KCNH1: variants seen among roughly 807,000 people sequenced by gnomAD.
KCNH1 encodes voltage-gated delayed rectifier potassium channel KCNH1.
KCNH1 carries 27 observed loss-of-function variants against 69.2 expected under a neutral mutation model. That is an observed-to-expected ratio of 0.39 (90% confidence interval 0.29 to 0.54). The LOEUF is 0.54. Among genes scored for constraint, KCNH1 ranks in the 20% least tolerant of loss-of-function variants. The pLI is 0.68. For synonymous variants in KCNH1, 456 were observed against 487.7 expected, an observed-to-expected ratio of 0.93 and a Z score of 0.86; for missense variants, 798 against 1,261.6, an observed-to-expected ratio of 0.63 and a Z score of 5.57.
At chr1:210,891,751 AG>A (rs1287379535) in intron 7 of KCNH1, among the ~76,000 whole-genome samples, 1 of 152,200 alleles carries the variant, frequency 6.6e-6, no homozygotes, top group Non-Finnish European at 1.5e-5. Flanking sequence ...TCTACTATAA[AG>A]ACTCATGCAC....
intron 6 of KCNH1, among the ~76,000 whole-genome samples, chr1:210,983,353 T>A (rs189139784): frequency 3.5e-4 from 53 of 152,358 alleles, no homozygotes; most frequent in Non-Finnish European, 6.0e-4. Context: ...CCCACGCCTA[T>A]GTTCTGAATG....
At chr1:210,687,459 G>T (rs564676477) in intron 10 of KCNH1, among the ~76,000 whole-genome samples, 1 of 152,282 alleles carries the variant, frequency 6.6e-6, no homozygotes, top group African/African-American at 2.4e-5. Flanking sequence ...ATCTTAGGCT[G>T]CCCTCCATCA....
At chr1:210,905,577 T>C (rs1333618641) in intron 7 of KCNH1, among the ~76,000 whole-genome samples, 2 of 152,106 alleles carry the variant, frequency 1.3e-5, no homozygotes, top group Admixed American at 1.3e-4. Flanking sequence ...ACTGAGACTA[T>C]TGCCAACAAT....
At chr1:210,707,881 C>T (rs1324224591) in intron 10 of KCNH1, among the ~76,000 whole-genome samples, 1 of 152,144 alleles carries the variant, frequency 6.6e-6, no homozygotes, top group Admixed American at 6.5e-5. Flanking sequence ...TGAATCTATT[C>T]AGGCAGACAT....
chr1:210,790,276 G>A (rs1283924608), intron 9 of KCNH1, among the ~76,000 whole-genome samples: 1 of 152,102 alleles, frequency 6.6e-6, no homozygotes, highest in Non-Finnish European at 1.5e-5. Context: ...CTCTCCACTT[G>A]GATACCCTAT....
At chr1:210,695,775 G>A (rs1485718115) in intron 10 of KCNH1, among the ~76,000 whole-genome samples, 2 of 152,168 alleles carry the variant, frequency 1.3e-5, no homozygotes, top group Non-Finnish European at 2.9e-5. Flanking sequence ...AAGTGAGACA[G>A]TGAGCCCCAG....
At chr1:210,686,736 G>A (rs557398460) in intron 10 of KCNH1, among the ~76,000 whole-genome samples, 2 of 152,288 alleles carry the variant, frequency 1.3e-5, no homozygotes, top group African/African-American at 4.8e-5. Flanking sequence ...GCAAGTTTGG[G>A]TGAGTCTATT....
At chr1:211,086,652 C>T (rs996998033) in intron 4 of KCNH1, among the ~76,000 whole-genome samples, 10 of 152,114 alleles carry the variant, frequency 6.6e-5, no homozygotes, top group Non-Finnish European at 1.5e-4. Context: ...GGCTTTTCCC[C>T]TGTCTTGACT....
chr1:211,132,056 C>A (rs1030712316), intron 1 of KCNH1, among the ~76,000 whole-genome samples: 49 of 152,194 alleles, frequency 3.2e-4, no homozygotes, highest in African/African-American at 1.0e-3. Flanking sequence ...CATCTTGTGA[C>A]TTTTACATGT....
chr1:210,919,444 T>A lies in KCNH1; in HGVS notation c.1462+196A>T. 1 of 590,426 alleles carries A rather than the reference T, an allele frequency of 1.7e-6. No homozygotes were observed. Among genetic ancestry groups the A allele is most frequent in the Non-Finnish European group, 3.0e-6 (1 of 334,166 alleles). 36.6% of individuals were successfully genotyped at this position (590,426 alleles called of 1,614,324 possible). ...ATAGTCTTTACTTTCTACTTTGCAC[T>A]CTTTTGTATTTTCTAAATTTTTTTG... is the stretch of plus-strand genomic sequence containing the variant. On this transcript the variant is annotated intron_variant, in intron 7 of 10. Transcript: ENST00000271751. The surrounding 1 kb of genome is among the most constrained non-coding windows in gnomAD (Gnocchi z 4.2).
chr1:210,705,646 G>T (rs1202724404), intron 10 of KCNH1, among the ~76,000 whole-genome samples: 1 of 152,188 alleles, frequency 6.6e-6, no homozygotes, highest in African/African-American at 2.4e-5. Context: ...TAAAAGGAAA[G>T]TGCCCAGATG....
At chr1:210,734,820 T>C (rs976310498) in intron 10 of KCNH1, among the ~76,000 whole-genome samples, 1 of 151,830 alleles carries the variant, frequency 6.6e-6, no homozygotes, top group Non-Finnish European at 1.5e-5. Context: ...CCCCATAAGG[T>C]TGTTTGAAGG....
intron 3 of KCNH1, among the ~76,000 whole-genome samples, chr1:211,099,036 T>C (rs1377855084): frequency 6.6e-6 from 1 of 152,206 alleles, no homozygotes; most frequent in Non-Finnish European, 1.5e-5. Flanking sequence ...TGTATAACAA[T>C]TTTTACCTCA....
At chr1:211,039,854 G>A (rs1689958697) in intron 5 of KCNH1, among the ~76,000 whole-genome samples, 1 of 152,128 alleles carries the variant, frequency 6.6e-6, no homozygotes, top group Admixed American at 6.5e-5. Flanking sequence ...TGTCTCAGAT[G>A]AGACTTTGGA....
intron 6 of KCNH1, among the ~76,000 whole-genome samples, chr1:210,983,387 G>A (rs1688755658): frequency 6.6e-6 from 1 of 152,094 alleles, no homozygotes. Context: ...TTTCTTCTAG[G>A]GTTCTTATGG....
intron 7 of KCNH1, among the ~76,000 whole-genome samples, chr1:210,877,208 G>A (rs1409934845): frequency 6.6e-6 from 1 of 152,164 alleles, no homozygotes; most frequent in Admixed American, 6.5e-5. Context: ...AGCTGTAGTT[G>A]ATGTGGTCAT....
intron 7 of KCNH1, among the ~76,000 whole-genome samples, chr1:210,862,718 G>A (rs562708143): frequency 6.6e-6 from 1 of 152,234 alleles, no homozygotes; most frequent in East Asian, 1.9e-4. Context: ...ATCCACTTAC[G>A]AGTTACTGTG....
chr1:210,984,799 A>T (rs1003958493), intron 6 of KCNH1, among the ~76,000 whole-genome samples: 6 of 152,220 alleles, frequency 3.9e-5, no homozygotes, highest in African/African-American at 1.2e-4. Flanking sequence ...CTGGTCTCAT[A>T]AAATGAGTTA....
At chr1:211,007,080 T>C (rs2102405166) in intron 6 of KCNH1, among the ~76,000 whole-genome samples, 1 of 152,316 alleles carries the variant, frequency 6.6e-6, no homozygotes, top group African/African-American at 2.4e-5. Context: ...AAAACTGAAA[T>C]GAAAAATTGG....
Sources: gnomAD v4.1 joint callset for allele counts (sites outside exome capture counted in the v4.1 genomes callset) on GRCh38, gnomAD v4.1.1 for gene constraint, Gnocchi (gnomAD v3.1) non-coding constraint, MANE v1.5 for transcripts, NCBI Gene and HGNC (gene_info 2026-07-23, HGNC 2026-07-21) for gene names.